Variants in SLC24A4 observed in about 807,000 individuals in gnomAD.
SLC24A4 encodes the protein solute carrier family 24 member 4, also known as sodium/potassium/calcium exchanger 4.
In SLC24A4, 53 loss-of-function variants were observed where a neutral mutation model predicts 79.0. The ratio of observed to expected loss-of-function variants is 0.67; its 90% CI spans 0.54 to 0.84. The LOEUF is 0.84. Among genes scored for constraint, SLC24A4 ranks in the 40% least tolerant of loss-of-function variants. SLC24A4 has a pLI of 0.00. For missense variants in SLC24A4, 731 were observed against 822.0 expected (o/e 0.89, Z 1.35); for synonymous variants, 323 against 323.8 (o/e 1.00, Z 0.03).
At chr14:92,391,711 G>A (rs922867087) in intron 2 of SLC24A4, among the ~76,000 whole-genome samples, 32 of 152,350 alleles carry the variant, frequency 2.1e-4, no homozygotes, top group African/African-American at 6.3e-4. Flanking sequence ...GGACTTTTGC[G>A]AATAGATCAT....
At chr14:92,480,828 T>C (rs1895027173) in intron 12 of SLC24A4, among the ~76,000 whole-genome samples, 1 of 152,202 alleles carries the variant, frequency 6.6e-6, no homozygotes. Flanking sequence ...CCATTGTGGT[T>C]GGAGAACAGG....
At chr14:92,359,677 A>G (rs1887389921) in intron 2 of SLC24A4, among the ~76,000 whole-genome samples, 1 of 152,218 alleles carries the variant, frequency 6.6e-6, no homozygotes, top group Non-Finnish European at 1.5e-5. Context: ...ACAAGTAATT[A>G]TAAAGTAAAA....
At chr14:92,456,326 G>A (rs1595311266) in intron 11 of SLC24A4, 78 bp from the exon 12 acceptor site, 19 of 1,481,488 alleles carry the variant, frequency 1.3e-5, no homozygotes, top group Admixed American at 3.4e-5. Flanking sequence ...CAGGGTGCGT[G>A]TGAGGGACCC....
intron 2 of SLC24A4, among the ~76,000 whole-genome samples, chr14:92,389,013 C>G (rs1381963660): frequency 1.3e-5 from 2 of 152,186 alleles, no homozygotes; most frequent in Non-Finnish European, 2.9e-5. Flanking sequence ...CCACTTAAGG[C>G]AGAACTAATA....
chr14:92,470,021 G>T (rs115327988), intron 12 of SLC24A4, among the ~76,000 whole-genome samples: 2 of 152,294 alleles, frequency 1.3e-5, no homozygotes, highest in African/African-American at 4.8e-5. Flanking sequence ...GGTAAAACCT[G>T]CCTGCTTGCA....
At chr14:92,492,292 T>G in intron 16 of SLC24A4, 52 bp downstream of exon 16, 4 of 1,539,928 alleles carry the variant, frequency 2.6e-6, no homozygotes, top group Non-Finnish European at 1.8e-6. Flanking sequence ...TGATTTCATC[T>G]GATTCCGCCT....
At chr14:92,425,730 G>A (rs1250073955) in intron 2 of SLC24A4, among the ~76,000 whole-genome samples, 1 of 152,204 alleles carries the variant, frequency 6.6e-6, no homozygotes, top group African/African-American at 2.4e-5. Context: ...TGTAATCCCA[G>A]CACCTTTGGG....
In SLC24A4 at chr14:92,484,321, G is replaced by C. The variant is rs193057610; in HGVS notation, c.1422+1475G>C. 1.2e-5 allele frequency: 12 copies of C among 985,358 alleles called. No individual in the cohort carries two copies. In the East Asian group the frequency reaches 1.4e-3, roughly 112 times the overall value. 61.0% of individuals were successfully genotyped at this position (985,358 alleles called of 1,614,324 possible). On this transcript the variant is annotated intron_variant, in intron 13 of 16. Transcript: ENST00000532405. The stretch of plus-strand genomic sequence containing the variant: ...ATCAGAGACCTGCCGCAACCTCTGT[G>C]AGTGTCCTTACTCATGCAGCAGCCC...
chr14:92,431,687 G>A (rs943234686), intron 2 of SLC24A4, among the ~76,000 whole-genome samples: 2 of 152,206 alleles, frequency 1.3e-5, no homozygotes, highest in African/African-American at 2.4e-5. Context: ...GAAGCCATTC[G>A]TTCTCCTCCA....
At chr14:92,405,973 A>G (rs1167746424) in intron 2 of SLC24A4, among the ~76,000 whole-genome samples, 1 of 152,222 alleles carries the variant, frequency 6.6e-6, no homozygotes, top group African/African-American at 2.4e-5. Flanking sequence ...CTCATCTGAA[A>G]CAAGGTAAGT....
chr14:92,468,912 G>T (rs1038894750), intron 12 of SLC24A4, among the ~76,000 whole-genome samples: 1 of 102,680 alleles, frequency 9.7e-6, no homozygotes, highest in South Asian at 3.6e-4. Context: ...GTGTGTGTGT[G>T]TGTGTGTGTG....
intron 2 of SLC24A4, among the ~76,000 whole-genome samples, chr14:92,384,576 A>G (rs1360166307): frequency 6.6e-6 from 1 of 152,012 alleles, no homozygotes; most frequent in Non-Finnish European, 1.5e-5. Flanking sequence ...ACAGGTAGAA[A>G]TGTCTCACGG....
intron 12 of SLC24A4, among the ~76,000 whole-genome samples, chr14:92,456,948 T>A (rs181071855): frequency 6.6e-6 from 1 of 152,282 alleles, no homozygotes; most frequent in East Asian, 1.9e-4. Flanking sequence ...CAGTCCACAG[T>A]GTTATTTTTA....
chr14:92,492,035 C>A, intron 15 of SLC24A4, 140 bp from the exon 16 acceptor site: 3 of 790,158 alleles, frequency 3.8e-6, no homozygotes, highest in Non-Finnish European at 6.3e-6. Context: ...TTTTCCTGAC[C>A]CTCCACGACC....
chr14:92,430,236 C>T (rs1222776504), intron 2 of SLC24A4, among the ~76,000 whole-genome samples: 2 of 152,222 alleles, frequency 1.3e-5, no homozygotes, highest in Non-Finnish European at 2.9e-5. Context: ...GTCAGGGTCT[C>T]ATCCAGCCAT....
chr14:92,349,296 A>G (rs1886731819), intron 2 of SLC24A4, among the ~76,000 whole-genome samples: 1 of 151,994 alleles, frequency 6.6e-6, no homozygotes, highest in South Asian at 2.1e-4. Context: ...AGTAGCTGGG[A>G]TTACAGGTGC....
At chr14:92,409,922 C>T (rs899506989) in intron 2 of SLC24A4, among the ~76,000 whole-genome samples, 1 of 152,132 alleles carries the variant, frequency 6.6e-6, no homozygotes, top group Non-Finnish European at 1.5e-5. Context: ...AGGCCATTAT[C>T]CTTAATAAAC....
chr14:92,376,430 C>T (rs559479369), intron 2 of SLC24A4, among the ~76,000 whole-genome samples: 8 of 152,360 alleles, frequency 5.3e-5, no homozygotes, highest in Middle Eastern at 3.4e-3. Context: ...TCCAAGCCCA[C>T]GCATGTTCCC....
chr14:92,492,094 G>T lies in SLC24A4; in HGVS notation c.1651-81G>T, dbSNP rs1444441919. 8.5e-6 allele frequency: 11 copies of T among 1,296,990 alleles called. No homozygotes were observed. In the East Asian group the frequency reaches 1.9e-4, roughly 22 times the overall value. The allele number at this position is 1,296,990 out of a possible 1,614,324, so 80.3% of individuals were successfully genotyped here. On this transcript the variant is annotated intron_variant, in intron 15 of 16. Coordinates refer to ENST00000532405, the MANE Select transcript of SLC24A4 (RefSeq NM_153646.4). ...TGTTTTCCTGATGAGGGAATGCATT[G>T]GGCCCAGGCATGCTGGGATTTCTGG...
Sources: gnomAD v4.1 joint callset for allele counts (sites outside exome capture counted in the v4.1 genomes callset) on GRCh38, gnomAD v4.1.1 for gene constraint, MANE v1.5 for transcripts, NCBI Gene and HGNC (gene_info 2026-07-23, HGNC 2026-07-21) for gene names.